COL11A1: variants seen among roughly 807,000 people sequenced by gnomAD.
The protein encoded by COL11A1 is collagen type XI alpha 1 chain.
Under a neutral mutation model 265.2 loss-of-function variants are expected in COL11A1, and 74 were observed. The ratio of observed to expected loss-of-function variants is 0.28; its 90% confidence interval spans 0.23 to 0.34. The LOEUF (loss-of-function observed/expected upper bound fraction) is 0.34, where lower values mean the gene tolerates loss of function less well. Among genes scored for constraint, COL11A1 ranks in the 10% least tolerant of loss-of-function variants. The pLI is 1.00. For missense variants in COL11A1, 2,165 were observed against 2,263.6 expected (o/e 0.96, Z 0.88); for synonymous variants, 816 against 727.6 (o/e 1.12, Z -1.96).
intron 65 of COL11A1, among the ~76,000 whole-genome samples, chr1:102,880,877 T>C (rs1464571428): frequency 6.6e-6 from 1 of 152,080 alleles, no homozygotes; most frequent in African/African-American, 2.4e-5. Flanking sequence ...CATAGAGTTC[T>C]ATCTGTATAT....
chr1:103,018,166 A>T (rs751855352), intron 10 of COL11A1, among the ~76,000 whole-genome samples: 92 of 152,182 alleles, frequency 6.0e-4, no homozygotes, highest in Non-Finnish European at 1.1e-3. Context: ...GTTCTAACTG[A>T]AGAAATGGAA....
chr1:102,979,013 T>G, intron 33 of COL11A1, 47 bp downstream of exon 33: 1 of 1,610,204 alleles, frequency 6.2e-7, no homozygotes, highest in African/African-American at 1.3e-5. Context: ...CTTGATACAC[T>G]AAATTCAATA....
chr1:102,891,702 T>C (rs1053467842), intron 57 of COL11A1, among the ~76,000 whole-genome samples: 11 of 149,222 alleles, frequency 7.4e-5, no homozygotes, highest in African/African-American at 2.5e-4. Flanking sequence ...CAGTGAGACA[T>C]TTTGTCTACA....
At chr1:103,045,282 G>A (rs1329542506) in intron 4 of COL11A1, among the ~76,000 whole-genome samples, 1 of 152,138 alleles carries the variant, frequency 6.6e-6, no homozygotes, top group Non-Finnish European at 1.5e-5. Flanking sequence ...TGAGCAAAGA[G>A]GTGGCACACT....
intron 24 of COL11A1, chr1:103,001,702 T>A (rs1206886410): frequency 1.7e-6 from 1 of 580,210 alleles, no homozygotes; most frequent in African/African-American, 1.9e-5. Flanking sequence ...AATGCCACAT[T>A]TGGAAGCTGT....
chr1:102,923,091 A>C (rs1656177808), intron 47 of COL11A1, among the ~76,000 whole-genome samples: 1 of 152,230 alleles, frequency 6.6e-6, no homozygotes, highest in African/African-American at 2.4e-5. Flanking sequence ...TTTGTTTCAA[A>C]GTAGTTAATT....
At chr1:103,095,023 C>T (rs138408903) in intron 1 of COL11A1, among the ~76,000 whole-genome samples, 87 of 152,086 alleles carry the variant, frequency 5.7e-4, no homozygotes, top group African/African-American at 1.9e-3. Context: ...TACAAAATGC[C>T]GTTACCATTT....
Position 102,987,393 on chromosome 1 carries a change from T to G in COL11A1, c.2502+240A>C, listed in dbSNP as rs905062945. 2.0e-5 allele frequency among the ~76,000 whole-genome samples: 3 copies of G among 151,704 alleles called. No individual in the cohort carries two copies. The East Asian group carries it at 5.8e-4, about 29-fold the overall frequency. ...TTGCTTTTTTTTTTTTAAATTTAAC[T>G]TCACAGTACATTATAGAAAATTTAA... On this transcript the variant is annotated intron_variant, in intron 30 of 66. Coordinates refer to ENST00000370096, the MANE Select transcript of COL11A1 (RefSeq NM_001854.4).
intron 1 of COL11A1, among the ~76,000 whole-genome samples, chr1:103,086,232 C>T (rs1341548418): frequency 6.6e-6 from 1 of 151,962 alleles, no homozygotes. Flanking sequence ...TATATTTTTG[C>T]TCTGAAGCCA....
chr1:103,027,396 AATATAT>A (rs57013059), intron 5 of COL11A1, among the ~76,000 whole-genome samples: 484 of 91,874 alleles, frequency 5.3e-3, no homozygotes, highest in African/African-American at 0.01. Context: ...TTAAAACTCT[AATATAT>A]ATATATATAT....
rs1309163156 is a variant in COL11A1 at position 102,979,366 on chromosome 1, T to C, written c.2610+16A>G. On this transcript the variant is annotated intron_variant, in intron 32 of 66. Coordinates refer to ENST00000370096, the MANE Select transcript of COL11A1 (RefSeq NM_001854.4). ...ACACTTATATACATAGTTCAAAACA[T>C]ATTTATATATCATACCCGTGCACCT... 6.3e-7 allele frequency: 1 copy of C among 1,594,424 alleles called. No homozygotes were observed. The highest frequency in any genetic ancestry group is 8.6e-7 in the Non-Finnish European group (1 of 1,162,748).
At chr1:103,071,869 G>GTATA (rs67216828) in intron 4 of COL11A1, among the ~76,000 whole-genome samples, 48 of 147,670 alleles carry the variant, frequency 3.3e-4, no homozygotes, top group African/African-American at 1.1e-3. Flanking sequence ...ATATGTGTTT[G>GTATA]TATATATATA....
chr1:102,897,169 G>T (rs371518892), intron 57 of COL11A1, among the ~76,000 whole-genome samples: 1 of 151,830 alleles, frequency 6.6e-6, no homozygotes, highest in Non-Finnish European at 1.5e-5. Flanking sequence ...AGATGCTGTG[G>T]CATCTTTGTT....
At chr1:103,060,114 G>GA (rs542339751) in intron 4 of COL11A1, among the ~76,000 whole-genome samples, 60 of 151,938 alleles carry the variant, frequency 3.9e-4, no homozygotes, top group Middle Eastern at 3.4e-3. Flanking sequence ...ACCCAGAGGG[G>GA]AAAAAAACCA....
chr1:102,950,475 A>G (rs1013290429), intron 41 of COL11A1, among the ~76,000 whole-genome samples: 7 of 152,088 alleles, frequency 4.6e-5, no homozygotes, highest in African/African-American at 1.7e-4. Flanking sequence ...GTGTGGGTTA[A>G]TGCATCTTTT....
At chr1:102,964,068 CA>C (rs1480076255) in intron 38 of COL11A1, among the ~76,000 whole-genome samples, 2 of 152,012 alleles carry the variant, frequency 1.3e-5, no homozygotes, top group African/African-American at 4.8e-5. Context: ...AGTAAAACAC[CA>C]GTATTTTTAT....
intron 37 of COL11A1, among the ~76,000 whole-genome samples, chr1:102,968,921 C>T (rs1015859473): frequency 6.6e-6 from 1 of 152,144 alleles, no homozygotes; most frequent in Non-Finnish European, 1.5e-5. Flanking sequence ...TCTGGGTATC[C>T]TTTCCCCACA....
At chr1:103,011,243 T>A (rs962607560) in intron 14 of COL11A1, among the ~76,000 whole-genome samples, 3 of 152,134 alleles carry the variant, frequency 2.0e-5, no homozygotes, top group Admixed American at 6.6e-5. Flanking sequence ...TAAATTTGAG[T>A]CATTAACAAA....
rs1182511790 is a variant in COL11A1, at chr1:103,085,924, C to CCT, written c.107-2953_107-2952insAG. On this transcript the variant is annotated intron_variant, in intron 1 of 66. Transcript: ENST00000370096. ...CACAAACCATATGTTCTTATCCGTC[C>CCT]TGTGCAGATTGAGATTTAAGAACCA... is the stretch of plus-strand genomic sequence containing the variant. Among the ~76,000 whole-genome samples the CCT allele has an allele frequency of 6.6e-5, 10 of 152,220 alleles. No individual in the cohort carries two copies. The East Asian group carries it at 1.9e-3, about 29-fold the overall frequency.
Sources: gnomAD v4.1 joint callset for allele counts (sites outside exome capture counted in the v4.1 genomes callset) on GRCh38, gnomAD v4.1.1 for gene constraint, MANE v1.5 for transcripts, NCBI Gene and HGNC (gene_info 2026-07-23, HGNC 2026-07-21) for gene names.